CLSTN2: variants seen among roughly 807,000 people sequenced by gnomAD.
CLSTN2 encodes calsyntenin-2.
In CLSTN2, 48 loss-of-function variants were observed where a neutral mutation model predicts 101.2. The ratio of observed to expected loss-of-function variants is 0.47; its 90% CI spans 0.38 to 0.60. The LOEUF (loss-of-function observed/expected upper bound fraction) is 0.60. Ranked by LOEUF, CLSTN2 falls within the 20% of genes least tolerant of loss-of-function variation. The pLI is 0.00. For synonymous variants in CLSTN2, 481 were observed against 463.6 expected, an observed-to-expected ratio of 1.04 and a Z score of -0.48; for missense variants, 1,160 against 1,238.2, an observed-to-expected ratio of 0.94 and a Z score of 0.95.
At chr3:140,547,693 G>C (rs1181621652) in intron 10 of CLSTN2, among the ~76,000 whole-genome samples, 4 of 152,180 alleles carry the variant, frequency 2.6e-5, no homozygotes, top group African/African-American at 4.8e-5. Flanking sequence ...CCAACAGCCA[G>C]GGTCACTTTC....
rs1010088103 is a variant in CLSTN2 at position 140,576,081 on chromosome 3, G to A, written c.*9828G>A. On this transcript the variant is annotated 3_prime_UTR_variant, in exon 17 of 17. Transcript: ENST00000458420. ...CCTTCATAGAGACTCAGTAGTATGA[G>A]TATACCCCAAATTGAATGAGCCACA... The A allele has an allele frequency of 9.9e-5, 15 of 152,142 alleles. No homozygotes were observed. The highest frequency in any genetic ancestry group is 3.6e-4 in the African/African-American group (15 of 41,430). The allele number at this position is 152,142 out of a possible 1,614,324, so 9.4% of individuals were successfully genotyped here.
chr3:140,471,972 T>C (rs139433631), intron 8 of CLSTN2, among the ~76,000 whole-genome samples: 149 of 152,326 alleles, frequency 9.8e-4, no homozygotes, highest in Non-Finnish European at 1.7e-3. Flanking sequence ...ACTATGTTGA[T>C]ACAAGAAAGC....
intron 1 of CLSTN2, among the ~76,000 whole-genome samples, chr3:140,050,473 C>G (rs1223050780): frequency 6.6e-6 from 1 of 152,104 alleles, no homozygotes; most frequent in Non-Finnish European, 1.5e-5. Context: ...CATGACCATC[C>G]CCAGGCTGAA....
chr3:140,551,654 GT>G (rs1935703910), intron 10 of CLSTN2, among the ~76,000 whole-genome samples: 1 of 152,066 alleles, frequency 6.6e-6, no homozygotes, highest in Non-Finnish European at 1.5e-5. Flanking sequence ...AGGTGTTTAA[GT>G]TTTTTTCTGT....
chr3:140,506,133 G>C (rs1243893697), intron 8 of CLSTN2: 2 of 152,224 alleles, frequency 1.3e-5, no homozygotes, highest in Non-Finnish European at 2.9e-5. Context: ...GGTGAGAAGA[G>C]TTTTGTGTAA....
chr3:140,428,951 A>G (rs2088600726), intron 5 of CLSTN2, among the ~76,000 whole-genome samples: 1 of 152,144 alleles, frequency 6.6e-6, no homozygotes, highest in Admixed American at 6.5e-5. Context: ...GCAGATCCCG[A>G]TTTAACAAGT....
chr3:140,302,970 A>G (rs2087075471), intron 2 of CLSTN2, among the ~76,000 whole-genome samples: 1 of 152,276 alleles, frequency 6.6e-6, no homozygotes, highest in Middle Eastern at 3.4e-3. Flanking sequence ...TGAGTTCTCC[A>G]TCTCTGTCCA....
At chr3:140,132,980 A>C (rs899793279) in intron 1 of CLSTN2, among the ~76,000 whole-genome samples, 1 of 152,232 alleles carries the variant, frequency 6.6e-6, no homozygotes, top group African/African-American at 2.4e-5. Context: ...AAATATTTCT[A>C]TAAAGGAATA....
intron 16 of CLSTN2, 27 bp from the exon 17 acceptor site, chr3:140,566,026 C>A (rs371952585): frequency 1.1e-5 from 17 of 1,613,580 alleles, no homozygotes; most frequent in Admixed American, 1.7e-5. Context: ...CCCTGATGAG[C>A]ATTTGCTTTT....
rs1935509153 is a variant in CLSTN2, at chr3:140,542,738, G to T, written c.1508-3777G>T. 2.0e-5 allele frequency among the ~76,000 whole-genome samples: 3 copies of T among 152,118 alleles called. No individual in the cohort carries two copies. The South Asian group carries it at 6.2e-4, about 32-fold the overall frequency. On this transcript the variant is annotated intron_variant, in intron 9 of 16. Transcript: ENST00000458420. ...AAAATATAGAACATGAGTGTATTTT[G>T]CTGAGAGAAGATGGCTTATAGGAAA...
At chr3:140,187,191 A>G (rs567673997) in intron 2 of CLSTN2, among the ~76,000 whole-genome samples, 1 of 152,130 alleles carries the variant, frequency 6.6e-6, no homozygotes, top group East Asian at 1.9e-4. Context: ...TGCCTGTCAT[A>G]TCTGCACTGA....
chr3:140,302,151 C>T (rs2087066867), intron 2 of CLSTN2, among the ~76,000 whole-genome samples: 2 of 152,092 alleles, frequency 1.3e-5, no homozygotes, highest in African/African-American at 2.4e-5. Context: ...TCATTTGAGG[C>T]TTGGTTGGGT....
intron 16 of CLSTN2, among the ~76,000 whole-genome samples, chr3:140,565,804 C>T (rs1392671010): frequency 6.6e-6 from 1 of 152,200 alleles, no homozygotes; most frequent in Admixed American, 6.5e-5. Context: ...ATCATTTATA[C>T]CCAACAGTCT....
At chr3:140,507,454 TG>T (rs901029704) in intron 8 of CLSTN2, 3 of 152,154 alleles carry the variant, frequency 2.0e-5, no homozygotes, top group Non-Finnish European at 4.4e-5. Flanking sequence ...CCCCATGGTT[TG>T]GGGTGAGGTA....
At chr3:140,139,952 T>C (rs2009672046) in intron 1 of CLSTN2, among the ~76,000 whole-genome samples, 1 of 152,206 alleles carries the variant, frequency 6.6e-6, no homozygotes, top group South Asian at 2.1e-4. Context: ...TCTCTGAATT[T>C]GGAAAGAGGG....
intron 2 of CLSTN2, among the ~76,000 whole-genome samples, chr3:140,309,000 T>C (rs2087139344): frequency 1.3e-5 from 2 of 152,220 alleles, no homozygotes; most frequent in Admixed American, 1.3e-4. Flanking sequence ...CTTTAAGCCA[T>C]GGTTTCATCA....
At chr3:140,517,379 G>A (rs980673985) in intron 8 of CLSTN2, among the ~76,000 whole-genome samples, 2 of 152,106 alleles carry the variant, frequency 1.3e-5, no homozygotes, top group Non-Finnish European at 2.9e-5. Flanking sequence ...TACTTTGGGG[G>A]TGTTAAAGAA....
chr3:140,329,679 T>C (rs1203101853), intron 2 of CLSTN2, among the ~76,000 whole-genome samples: 1 of 152,208 alleles, frequency 6.6e-6, no homozygotes, highest in African/African-American at 2.4e-5. Flanking sequence ...GGTCTATTTA[T>C]GGGGTAAAGA....
At chr3:140,174,222 G>C (rs2010286298) in intron 1 of CLSTN2, among the ~76,000 whole-genome samples, 1 of 152,148 alleles carries the variant, frequency 6.6e-6, no homozygotes, top group Non-Finnish European at 1.5e-5. Flanking sequence ...CAAGTGTCTA[G>C]GGCAGGGGCA....
Sources: gnomAD v4.1 joint callset for allele counts (sites outside exome capture counted in the v4.1 genomes callset) on GRCh38, gnomAD v4.1.1 for gene constraint, MANE v1.5 for transcripts, NCBI Gene and HGNC (gene_info 2026-07-23, HGNC 2026-07-21) for gene names.